Variants in UNC13B observed in about 807,000 individuals in gnomAD.
UNC13B encodes the protein protein unc-13 homolog B.
A neutral mutation model predicts 211.0 loss-of-function variants in UNC13B; 144 were observed. The observed-to-expected ratio is 0.68, with a 90% CI of 0.60 to 0.78. The LOEUF is 0.78. Ranked by LOEUF, UNC13B falls within the 30% of genes least tolerant of loss-of-function variation. The pLI is 0.00. For synonymous variants in UNC13B, 709 were observed against 725.8 expected (o/e 0.98, Z 0.37); for missense variants, 1,777 against 2,002.0 (o/e 0.89, Z 2.14).
intron 6 of UNC13B, among the ~76,000 whole-genome samples, chr9:35,258,335 C>T (rs1827055531): frequency 6.6e-6 from 1 of 152,160 alleles, no homozygotes; most frequent in Admixed American, 6.5e-5. Context: ...TTCTGTTTTG[C>T]CTTCTAAATC....
At chr9:35,350,643 T>C (rs1446033978) in intron 11 of UNC13B, among the ~76,000 whole-genome samples, 1 of 152,230 alleles carries the variant, frequency 6.6e-6, no homozygotes, top group Non-Finnish European at 1.5e-5. Context: ...TCATGCTAAA[T>C]GCCACCTACG....
intron 6 of UNC13B, among the ~76,000 whole-genome samples, chr9:35,255,865 C>T (rs748945210): frequency 6.6e-6 from 1 of 152,092 alleles, no homozygotes; most frequent in Non-Finnish European, 1.5e-5. Context: ...AGACTGGTCC[C>T]CGGGCAAGAA....
chr9:35,171,815 TG>T (rs1302519478), intron 1 of UNC13B, among the ~76,000 whole-genome samples: 1 of 152,234 alleles, frequency 6.6e-6, no homozygotes, highest in Non-Finnish European at 1.5e-5. Flanking sequence ...ATGCATATAC[TG>T]TTGTTTATTT....
intron 21 of UNC13B, 85 bp downstream of exon 21, chr9:35,382,592 T>C: frequency 6.8e-7 from 1 of 1,472,498 alleles, no homozygotes; most frequent in Non-Finnish European, 9.1e-7. Flanking sequence ...AGACAGAGTC[T>C]CGCTCTGTTG....
At chr9:35,216,423 T>C (rs1235601610) in intron 1 of UNC13B, among the ~76,000 whole-genome samples, 1 of 152,198 alleles carries the variant, frequency 6.6e-6, no homozygotes, top group Non-Finnish European at 1.5e-5. Flanking sequence ...TTCCCTGGAC[T>C]TGCTTGATTG....
chr9:35,276,621 A>C (rs1331905178), intron 7 of UNC13B, among the ~76,000 whole-genome samples: 2 of 152,170 alleles, frequency 1.3e-5, no homozygotes, highest in Non-Finnish European at 2.9e-5. Context: ...TAAACTTTGT[A>C]AAAAATAGAA....
In UNC13B at chr9:35,310,465, A is replaced by G; in HGVS notation, c.9009-2A>G. 1.9e-6 allele frequency: 3 copies of G among 1,611,848 alleles called. No individual in the cohort carries two copies. The highest frequency in any genetic ancestry group is 2.5e-6 in the Non-Finnish European group (3 of 1,178,188). On this transcript the variant is annotated splice_acceptor_variant, in intron 9 of 39. Coordinates refer to ENST00000635942, the MANE Select transcript of UNC13B (RefSeq NM_001371189.2). LOFTEE classifies it high-confidence loss of function. ...TTATCTGTCTTTCTGTCATTCTCAC[A>G]GCCCCACCAGCAGCAGTAGGTATGG...
chr9:35,190,571 G>A (rs1222405734), intron 1 of UNC13B, among the ~76,000 whole-genome samples: 1 of 151,948 alleles, frequency 6.6e-6, no homozygotes, highest in East Asian at 1.9e-4. Context: ...CCAAAACAGG[G>A]TCTGTAGTGC....
At chr9:35,203,272 C>T (rs1823429136) in intron 1 of UNC13B, among the ~76,000 whole-genome samples, 1 of 152,174 alleles carries the variant, frequency 6.6e-6, no homozygotes, top group East Asian at 1.9e-4. Flanking sequence ...TACAATTTGG[C>T]ATGTTTTTGC....
chr9:35,314,866 T>C (rs1303680465), intron 11 of UNC13B, among the ~76,000 whole-genome samples: 1 of 147,864 alleles, frequency 6.8e-6, no homozygotes, highest in Admixed American at 6.8e-5. Context: ...CTTAGGTTGA[T>C]TCCGTATCTT....
intron 7 of UNC13B, among the ~76,000 whole-genome samples, chr9:35,273,724 T>C (rs768875536): frequency 1.3e-5 from 2 of 152,200 alleles, no homozygotes; most frequent in Non-Finnish European, 2.9e-5. Flanking sequence ...AAAAAAACGC[T>C]AGGCAGGTAC....
intron 6 of UNC13B, among the ~76,000 whole-genome samples, chr9:35,255,873 G>T (rs962340864): frequency 6.6e-6 from 1 of 152,178 alleles, no homozygotes; most frequent in Non-Finnish European, 1.5e-5. Context: ...CCCCGGGCAA[G>T]AAGGGGGTCT....
chr9:35,390,070 AC>A, intron 25 of UNC13B, 97 bp downstream of exon 25: 1 of 1,555,994 alleles, frequency 6.4e-7, no homozygotes, highest in Non-Finnish European at 8.7e-7. Context: ...TTGCAGTGCC[AC>A]CTCTTCTTCC....
At chr9:35,297,561 T>TTTTTG (rs1554698737) in intron 8 of UNC13B, among the ~76,000 whole-genome samples, 1 of 128,164 alleles carries the variant, frequency 7.8e-6, no homozygotes, top group African/African-American at 2.9e-5. Context: ...TTTTTTTTTT[T>TTTTTG]TTTTTTGAGA....
chr9:35,297,768 C>T (rs1391337674), intron 8 of UNC13B, among the ~76,000 whole-genome samples: 11 of 151,504 alleles, frequency 7.3e-5, no homozygotes, highest in African/African-American at 2.4e-4. Flanking sequence ...CCAGGATGGT[C>T]TCGATCTCCT....
chr9:35,338,294 T>C (rs540291867), intron 11 of UNC13B, among the ~76,000 whole-genome samples: 7 of 152,338 alleles, frequency 4.6e-5, no homozygotes, highest in Non-Finnish European at 7.3e-5. Context: ...TCAGGGATGG[T>C]CCTTGACCTG....
At chr9:35,396,369 C>T in intron 26 of UNC13B, 107 bp from the exon 27 acceptor site, 3 of 1,450,646 alleles carry the variant, frequency 2.1e-6, no homozygotes, top group Non-Finnish European at 2.8e-6. Context: ...CACCCTTGTC[C>T]TAAGACATCT....
chr9:35,240,856 C>T (rs1035889489), intron 5 of UNC13B, among the ~76,000 whole-genome samples: 29 of 151,994 alleles, frequency 1.9e-4, no homozygotes, highest in African/African-American at 6.8e-4. Context: ...GAGTTCAAGA[C>T]CAGCCTGACC....
rs1268980889 is a variant in UNC13B, at chr9:35,399,372, C to G, written c.12199-20C>G. ...TGGAGTTGGGGTCCTCTGCTTTTGA[C>G]TGATTCCCTCTCTGCCCAGGGCACC... On this transcript the variant is annotated intron_variant, in intron 34 of 39. Transcript: ENST00000635942. 6.2e-7 allele frequency: 1 copy of G among 1,614,158 alleles called. No individual in the cohort carries two copies. Among genetic ancestry groups the G allele is most frequent in the Admixed American group, 1.7e-5 (1 of 60,026 alleles).
Sources: gnomAD v4.1 joint callset for allele counts (sites outside exome capture counted in the v4.1 genomes callset) on GRCh38, gnomAD v4.1.1 for gene constraint, MANE v1.5 for transcripts, NCBI Gene and HGNC (gene_info 2026-07-23, HGNC 2026-07-21) for gene names.